SNTB1: variants seen among roughly 807,000 people sequenced by gnomAD.
The protein encoded by SNTB1 is syntrophin beta 1, also known as beta-1-syntrophin.
Under a neutral mutation model 48.9 loss-of-function variants are expected in SNTB1, and 36 were observed. The ratio of observed to expected loss-of-function variants is 0.74; its 90% confidence interval spans 0.56 to 0.97. The LOEUF (loss-of-function observed/expected upper bound fraction) is 0.97. SNTB1 is among the 50% of genes least tolerant of loss of function. SNTB1 has a pLI of 0.00. For synonymous variants in SNTB1, 299 were observed against 294.6 expected (o/e 1.01, Z -0.15); for missense variants, 786 against 703.4 (o/e 1.12, Z -1.33).
intron 3 of SNTB1, among the ~76,000 whole-genome samples, chr8:120,628,291 A>T (rs1185254544): frequency 6.6e-6 from 1 of 152,208 alleles, no homozygotes; most frequent in Non-Finnish European, 1.5e-5. Context: ...GAGAGCTAGA[A>T]CTTAGCTTGT....
chr8:120,771,106 C>T (rs1365391378), intron 1 of SNTB1, among the ~76,000 whole-genome samples: 1 of 152,150 alleles, frequency 6.6e-6, no homozygotes, highest in Non-Finnish European at 1.5e-5. Flanking sequence ...AGAGATGCAG[C>T]AACACTGGAT....
chr8:120,593,263 A>G (rs1816272926), intron 3 of SNTB1, among the ~76,000 whole-genome samples: 1 of 152,188 alleles, frequency 6.6e-6, no homozygotes, highest in Non-Finnish European at 1.5e-5. Context: ...CAGGCACCGA[A>G]AGGAAAGATG....
intron 1 of SNTB1, among the ~76,000 whole-genome samples, chr8:120,770,470 G>A (rs1819604069): frequency 6.6e-6 from 1 of 151,040 alleles, no homozygotes; most frequent in Admixed American, 6.6e-5. Context: ...GGTCTCCAAT[G>A]TTAAAAAGGA....
rs1475506445 is a variant in SNTB1 at position 120,632,419 on chromosome 8, TTACAGAG to T, written c.996+18_996+24del. On this transcript the variant is annotated intron_variant, in intron 3 of 6. Coordinates refer to ENST00000517992, the MANE Select transcript of SNTB1 (RefSeq NM_021021.4). ...GGGGGAATCTCGGGGAGGACGACTA[TTACAGAG>T]GAAGGTATTTTCCTTACCTTTTCTG... 6.2e-7 allele frequency: 1 copy of T among 1,606,964 alleles called. No homozygotes were observed. Among genetic ancestry groups the T allele is most frequent in the Admixed American group, 1.7e-5 (1 of 59,882 alleles).
intron 5 of SNTB1, among the ~76,000 whole-genome samples, chr8:120,542,651 C>T (rs1306707085): frequency 2.0e-5 from 3 of 151,956 alleles, no homozygotes; most frequent in South Asian, 4.2e-4. Context: ...AAGACTCTGT[C>T]TCAAAAAAAA....
chr8:120,680,307 T>C (rs904742276), intron 2 of SNTB1, among the ~76,000 whole-genome samples: 4 of 152,242 alleles, frequency 2.6e-5, no homozygotes, highest in Admixed American at 2.0e-4. Context: ...TGTCATTGAT[T>C]GATGCAGCCT....
intron 1 of SNTB1, among the ~76,000 whole-genome samples, chr8:120,743,145 C>A (rs958617281): frequency 6.6e-6 from 1 of 152,110 alleles, no homozygotes; most frequent in Non-Finnish European, 1.5e-5. Context: ...AACAGAAATT[C>A]TTCTTTATGG....
chr8:120,587,186 A>G (rs1394647698), intron 3 of SNTB1, among the ~76,000 whole-genome samples: 1 of 152,144 alleles, frequency 6.6e-6, no homozygotes, highest in South Asian at 2.1e-4. Flanking sequence ...GCACCACTGC[A>G]CTCCAGCCTG....
intron 2 of SNTB1, among the ~76,000 whole-genome samples, chr8:120,646,566 C>T (rs1221364463): frequency 6.6e-6 from 1 of 151,470 alleles, no homozygotes; most frequent in African/African-American, 2.4e-5. Context: ...ATTCGTTTTG[C>T]CAGTATTTTA....
chr8:120,555,757 G>A (rs563978219), intron 4 of SNTB1, among the ~76,000 whole-genome samples: 2 of 152,274 alleles, frequency 1.3e-5, no homozygotes, highest in South Asian at 2.1e-4. Context: ...AGGTAATAAA[G>A]GTTAACTGAG....
intron 4 of SNTB1, among the ~76,000 whole-genome samples, chr8:120,574,297 C>T (rs1383215265): frequency 6.6e-6 from 1 of 152,104 alleles, no homozygotes; most frequent in African/African-American, 2.4e-5. Flanking sequence ...TACAGCATAG[C>T]GCCTATAGCT....
chr8:120,670,891 A>G lies in SNTB1; in HGVS notation c.788+22801T>C, dbSNP rs1817747259. ...GTACCATTACTGTTACTACCATTCT[A>G]TGAATTAAAAGACTGAAGCCCAGAG... On this transcript the variant is annotated intron_variant, in intron 2 of 6. Coordinates refer to ENST00000517992, the MANE Select transcript of SNTB1 (RefSeq NM_021021.4). Among the ~76,000 whole-genome samples, 4 of 152,226 alleles carry G rather than the reference A, an allele frequency of 2.6e-5. No individual in the cohort carries two copies. In the South Asian group the frequency reaches 6.2e-4, roughly 24 times the overall value.
At chr8:120,727,537 G>A (rs1286387729) in intron 1 of SNTB1, among the ~76,000 whole-genome samples, 1 of 152,168 alleles carries the variant, frequency 6.6e-6, no homozygotes, top group Non-Finnish European at 1.5e-5. Flanking sequence ...TTCGTACAGT[G>A]CCTAGCAATA....
At chr8:120,777,164 G>A (rs1819748659) in intron 1 of SNTB1, among the ~76,000 whole-genome samples, 1 of 152,176 alleles carries the variant, frequency 6.6e-6, no homozygotes, top group Admixed American at 6.5e-5. Flanking sequence ...CTTCATACAT[G>A]TTTTTGCAAG....
chr8:120,694,310 G>A (rs910247135), intron 1 of SNTB1, among the ~76,000 whole-genome samples: 2 of 152,056 alleles, frequency 1.3e-5, no homozygotes, highest in Non-Finnish European at 2.9e-5. Context: ...TCATTACACA[G>A]GATGCCATTT....
intron 3 of SNTB1, among the ~76,000 whole-genome samples, chr8:120,578,534 G>A (rs1214182061): frequency 6.6e-6 from 1 of 152,148 alleles, no homozygotes; most frequent in Non-Finnish European, 1.5e-5. Context: ...ATCTCTGCCT[G>A]GCTTCCTGCC....
intron 3 of SNTB1, among the ~76,000 whole-genome samples, chr8:120,594,273 T>C (rs1816289344): frequency 6.6e-6 from 1 of 152,098 alleles, no homozygotes; most frequent in Admixed American, 6.6e-5. Flanking sequence ...GTTTCTCTCT[T>C]GTTGCCCAGG....
chr8:120,800,507 A>G (rs1330017289), intron 1 of SNTB1, among the ~76,000 whole-genome samples: 2 of 152,042 alleles, frequency 1.3e-5, no homozygotes. Flanking sequence ...AAAAGTAACA[A>G]TGGATCCAGG....
chr8:120,766,519 T>C (rs866407656), intron 1 of SNTB1, among the ~76,000 whole-genome samples: 13 of 152,192 alleles, frequency 8.5e-5, no homozygotes, highest in Middle Eastern at 3.2e-3. Flanking sequence ...TTTCTTTAAA[T>C]ACTATTTTCC....
Sources: allele counts gnomAD v4.1 joint callset (sites outside exome capture counted in the v4.1 genomes callset), GRCh38; gene constraint gnomAD v4.1.1; transcripts MANE v1.5; gene names NCBI Gene and HGNC (gene_info 2026-07-23, HGNC 2026-07-21).